ADAMTSL1: variants seen among roughly 807,000 people sequenced by gnomAD.
ADAMTSL1 encodes the protein ADAMTS-like protein 1.
Under a neutral mutation model 201.8 loss-of-function variants are expected in ADAMTSL1, and 126 were observed. The ratio of observed to expected loss-of-function variants is 0.62; its 90% CI spans 0.54 to 0.72. The LOEUF (loss-of-function observed/expected upper bound fraction) is 0.72, where lower values mean the gene tolerates loss of function less well. Among genes scored for constraint, ADAMTSL1 ranks in the 30% least tolerant of loss-of-function variants. The pLI, the probability that ADAMTSL1 is intolerant of heterozygous loss-of-function variation, is 0.00. For missense variants in ADAMTSL1, 2,679 were observed against 2,277.8 expected (o/e 1.18, Z -3.59); for synonymous variants, 1,121 against 903.4 (o/e 1.24, Z -4.32).
intron 2 of ADAMTSL1, among the ~76,000 whole-genome samples, chr9:18,334,839 G>T (rs1274225766): frequency 6.6e-6 from 1 of 152,140 alleles, no homozygotes; most frequent in Non-Finnish European, 1.5e-5. Context: ...TCAGAAGAAA[G>T]AGATTTTTGC....
intron 1 of ADAMTSL1, among the ~76,000 whole-genome samples, chr9:17,960,098 T>G (rs537910227): frequency 6.6e-6 from 1 of 152,296 alleles, no homozygotes; most frequent in East Asian, 1.9e-4. Flanking sequence ...CTTAGCTCCT[T>G]CTTTCCTGTG....
intron 14 of ADAMTSL1, among the ~76,000 whole-genome samples, chr9:18,720,673 C>T (rs1436800990): frequency 1.3e-5 from 2 of 152,164 alleles, no homozygotes; most frequent in Non-Finnish European, 2.9e-5. Context: ...ATCCCAGCTA[C>T]TCGGGAGGCT....
intron 5 of ADAMTSL1, among the ~76,000 whole-genome samples, chr9:18,632,095 C>T (rs1190970073): frequency 2.6e-5 from 4 of 152,182 alleles, no homozygotes; most frequent in Admixed American, 1.3e-4. Flanking sequence ...GCCAGCTATA[C>T]TAATGGCATT....
intron 1 of ADAMTSL1, among the ~76,000 whole-genome samples, chr9:18,120,653 C>A (rs191282030): frequency 6.6e-6 from 1 of 152,276 alleles, no homozygotes; most frequent in East Asian, 1.9e-4. Context: ...TGTGTACACA[C>A]ACACAAAAAA....
intron 3 of ADAMTSL1, among the ~76,000 whole-genome samples, chr9:18,536,233 C>T (rs900116028): frequency 2.0e-4 from 31 of 152,192 alleles, no homozygotes; most frequent in Admixed American, 1.8e-3. Context: ...TTGTTAGGTG[C>T]TTGATTTGGA....
rs542285728 is a variant in ADAMTSL1 at position 18,062,285 on chromosome 9, CT to C, written c.88-101573del. On this transcript the variant is annotated intron_variant, in intron 1 of 29. Transcript: ENST00000680146. ...GAGAATATGCTCATTTTATGCAGAT[CT>C]TTTCAGGTAAAGGTAAATCTAAGTT... Among the ~76,000 whole-genome samples the C allele has an allele frequency of 2.0e-5, 3 of 152,112 alleles. No individual in the cohort carries two copies. In the South Asian group the frequency reaches 6.2e-4, roughly 32 times the overall value.
At chr9:17,949,605 T>G (rs577709211) in intron 1 of ADAMTSL1, among the ~76,000 whole-genome samples, 2 of 152,280 alleles carry the variant, frequency 1.3e-5, no homozygotes, top group South Asian at 4.1e-4. Flanking sequence ...ACCAGCCTAG[T>G]TCTCAGTGCT....
chr9:18,820,682 T>C (rs911161295), intron 21 of ADAMTSL1, among the ~76,000 whole-genome samples: 2 of 152,252 alleles, frequency 1.3e-5, no homozygotes, highest in Non-Finnish European at 2.9e-5. Context: ...TTTGCGTACA[T>C]GTGCTTTCAG....
chr9:18,790,855 T>G (rs1821991485), intron 19 of ADAMTSL1, among the ~76,000 whole-genome samples: 1 of 152,092 alleles, frequency 6.6e-6, no homozygotes, highest in Non-Finnish European at 1.5e-5. Context: ...TGGGAGGAAG[T>G]CAAGGAGTAT....
At chr9:18,068,964 G>A (rs917793357) in intron 1 of ADAMTSL1, among the ~76,000 whole-genome samples, 1 of 152,120 alleles carries the variant, frequency 6.6e-6, no homozygotes, top group Non-Finnish European at 1.5e-5. Context: ...TGAGGTAAAG[G>A]TATAAAGATA....
intron 15 of ADAMTSL1, among the ~76,000 whole-genome samples, chr9:18,749,514 G>A (rs1819336540): frequency 6.6e-6 from 1 of 152,170 alleles, no homozygotes; most frequent in African/African-American, 2.4e-5. Flanking sequence ...TTCTGCAGAA[G>A]CCAGGCCCCA....
chr9:18,256,618 A>C (rs2132515064), intron 2 of ADAMTSL1, among the ~76,000 whole-genome samples: 1 of 152,364 alleles, frequency 6.6e-6, no homozygotes, highest in East Asian at 1.9e-4. Context: ...GGGGAAGACC[A>C]AGGAGCCAGT....
chr9:18,536,941 A>G (rs767945027), intron 3 of ADAMTSL1, among the ~76,000 whole-genome samples: 6 of 151,898 alleles, frequency 4.0e-5, no homozygotes, highest in Middle Eastern at 3.2e-3. Context: ...TTTTTGCACT[A>G]TCCTTAAGGT....
intron 2 of ADAMTSL1, among the ~76,000 whole-genome samples, chr9:18,348,754 A>G (rs1410321891): frequency 6.6e-6 from 1 of 152,136 alleles, no homozygotes; most frequent in African/African-American, 2.4e-5. Context: ...CCAGATCTTT[A>G]CTTTCTTTCC....
At chr9:18,058,242 T>C (rs1353219938) in intron 1 of ADAMTSL1, among the ~76,000 whole-genome samples, 1 of 152,210 alleles carries the variant, frequency 6.6e-6, no homozygotes, top group Non-Finnish European at 1.5e-5. Context: ...GCTTATTTTA[T>C]AAGATCAAGA....
At chr9:18,869,520 A>G (rs767824164) in intron 23 of ADAMTSL1, among the ~76,000 whole-genome samples, 5 of 152,336 alleles carry the variant, frequency 3.3e-5, no homozygotes, top group East Asian at 3.9e-4. Context: ...AATAAATTCA[A>G]TCCTGTTGTT....
intron 15 of ADAMTSL1, among the ~76,000 whole-genome samples, chr9:18,748,395 A>T (rs564946550): frequency 6.6e-6 from 1 of 152,232 alleles, no homozygotes; most frequent in Non-Finnish European, 1.5e-5. Context: ...TTACTAAGAC[A>T]TAAATTGTAT....
At chr9:18,314,532 T>C (rs552265012) in intron 2 of ADAMTSL1, among the ~76,000 whole-genome samples, 8 of 150,690 alleles carry the variant, frequency 5.3e-5, no homozygotes, top group African/African-American at 2.0e-4. Flanking sequence ...AGTCCAGAGT[T>C]GTTCCTTCCT....
At chr9:18,344,357 A>G (rs1490523548) in intron 2 of ADAMTSL1, among the ~76,000 whole-genome samples, 1 of 151,908 alleles carries the variant, frequency 6.6e-6, no homozygotes, top group African/African-American at 2.4e-5. Context: ...GGATCTCGTT[A>G]TGTTGTCCAG....
Sources: allele counts gnomAD v4.1 joint callset (sites outside exome capture counted in the v4.1 genomes callset), GRCh38; gene constraint gnomAD v4.1.1; transcripts MANE v1.5; gene names NCBI Gene and HGNC (gene_info 2026-07-23, HGNC 2026-07-21).